Variants in MOSPD2 observed in about 807,000 individuals in gnomAD.
The protein encoded by MOSPD2 is motile sperm domain-containing protein 2.
In MOSPD2, 5 loss-of-function variants were observed where a neutral mutation model predicts 41.7. The observed-to-expected ratio is 0.12, with a 90% CI of 0.06 to 0.25. MOSPD2 has a LOEUF of 0.25. Ranked by LOEUF, MOSPD2 falls within the 10% of genes least tolerant of loss-of-function variation. The pLI is 1.00. For missense variants in MOSPD2, 282 were observed against 375.2 expected (o/e 0.75, Z 2.05); for synonymous variants, 115 against 126.9 (o/e 0.91, Z 0.63).
At chrX:14,906,762 C>A (rs1430181272) in intron 7 of MOSPD2, among the ~76,000 whole-genome samples, 1 of 111,959 alleles carries the variant, frequency 8.9e-6, no homozygotes, top group Non-Finnish European at 1.9e-5. Context: ...TGGTGACTCA[C>A]GCCTGTAATC....
At chrX:14,877,003 A>C (rs1040566575) in intron 2 of MOSPD2, among the ~76,000 whole-genome samples, 1 of 111,914 alleles carries the variant, frequency 8.9e-6, no homozygotes, top group Non-Finnish European at 1.9e-5. Context: ...GGCAGATTGA[A>C]TAGTCTGAAC....
At chrX:14,909,091 T>G in intron 8 of MOSPD2, 107 bp downstream of exon 8, 1 of 630,483 alleles carries the variant, frequency 1.6e-6, no homozygotes, top group East Asian at 4.5e-5. Context: ...TGCAAAGAAA[T>G]ATCACAGATA....
chrX:14,909,627 T>C (rs886847819), intron 8 of MOSPD2, among the ~76,000 whole-genome samples: 1 of 111,886 alleles, frequency 8.9e-6, no homozygotes, highest in African/African-American at 3.2e-5. Context: ...TGATTTTTAC[T>C]ACTTATAAAA....
chrX:14,912,169 G>T (rs1234712269), intron 9 of MOSPD2, 80 bp from the exon 10 acceptor site: 13 of 558,697 alleles, frequency 2.3e-5, no homozygotes, highest in East Asian at 7.8e-5. Context: ...CCTATGTTAT[G>T]TATAATAGTA....
rs2092604418 is a variant in MOSPD2 at position 14,918,718 on chromosome X, C to T, written c.1355C>T (p.Thr452Ile). 1 of 1,202,118 alleles carries T rather than the reference C, an allele frequency of 8.3e-7. No individual in the cohort carries two copies. The highest frequency in any genetic ancestry group is 2.2e-5 in the Admixed American group (1 of 45,579). Residue 452 changes from threonine to isoleucine, a missense_variant, in exon 14 of 15, where the codon ACT (threonine) becomes ATT (isoleucine). Coordinates refer to ENST00000380492, the MANE Select transcript of MOSPD2 (RefSeq NM_152581.4). ...CHTVESSKPN[T>I]LTLKDNAFNM... Reference sequence around the variant, plus strand: ...ACTGTTGAAAGCAGTAAACCAAACACTCTTACGTTAAAAGACAATGCTTTC... The same window carrying T: ...ACTGTTGAAAGCAGTAAACCAAACATTCTTACGTTAAAAGACAATGCTTTC...
intron 2 of MOSPD2, among the ~76,000 whole-genome samples, chrX:14,888,195 TACACACACACGCACACACACACACACAC>T (rs766388863): frequency 1.0e-4 from 9 of 88,748 alleles, no homozygotes; most frequent in Admixed American, 6.8e-4. Context: ...GGAGAATATA[TACACACACACGCACACACACACACACAC>T]ACACACACAC....
intron 13 of MOSPD2, 49 bp downstream of exon 13, chrX:14,916,375 AAG>A (rs1460570710): frequency 8.3e-7 from 1 of 1,201,397 alleles, no homozygotes; most frequent in Admixed American, 2.2e-5. Context: ...AAGAATCAGA[AAG>A]AGAAAAGTGC....
chrX:14,895,668 TTCTAA>T (rs1298079498), intron 4 of MOSPD2, among the ~76,000 whole-genome samples: 2 of 112,296 alleles, frequency 1.8e-5, no homozygotes, highest in Non-Finnish European at 3.8e-5. Context: ...ATTATCTTCT[TTCTAA>T]TCTGACTGTG....
intron 2 of MOSPD2, among the ~76,000 whole-genome samples, chrX:14,888,848 C>T (rs1330918989): frequency 9.0e-6 from 1 of 110,624 alleles, no homozygotes; most frequent in Non-Finnish European, 1.9e-5. Flanking sequence ...TCTTTAGCAT[C>T]TTTCTGTAAC....
intron 2 of MOSPD2, among the ~76,000 whole-genome samples, chrX:14,876,410 A>G (rs1316627377): frequency 8.9e-6 from 1 of 112,305 alleles, no homozygotes; most frequent in Non-Finnish European, 1.9e-5. Context: ...TCAAGCACAA[A>G]CTGTATTCCA....
At chrX:14,879,478 CT>C (rs1313138342) in intron 2 of MOSPD2, among the ~76,000 whole-genome samples, 1 of 112,053 alleles carries the variant, frequency 8.9e-6, no homozygotes, top group Non-Finnish European at 1.9e-5. Flanking sequence ...GTTCTGATGG[CT>C]GATAGACTGT....
rs781365188 is a variant in MOSPD2 at position 14,919,961 on chromosome X, T to A, written c.*152T>A. ...CGTGGAGGGGAACACATACATGTCT[T>A]GAAAATAAACTGCTAGAATAAAGAA... On this transcript the variant is annotated 3_prime_UTR_variant, in exon 15 of 15. Coordinates refer to ENST00000380492, the MANE Select transcript of MOSPD2 (RefSeq NM_152581.4). 2.9e-6 allele frequency: 3 copies of A among 1,022,616 alleles called. No homozygotes were observed. Among genetic ancestry groups the A allele is most frequent in the Admixed American group, 8.8e-5 (2 of 22,820 alleles). 84.3% of individuals were successfully genotyped at this position (1,022,616 alleles called of 1,213,427 possible). A position where few individuals can be genotyped will look rare whatever the true frequency, so the allele number is the denominator to read the frequency against.
Position 14,908,969 on chromosome X carries a change from C to T in MOSPD2, c.687C>T (p.Pro229=), listed in dbSNP as rs755931356. The T allele has an allele frequency of 1.2e-4, 136 of 1,154,733 alleles. 1 individual carries two copies. Among genetic ancestry groups the T allele is most frequent in the Non-Finnish European group, 1.5e-4 (126 of 859,233 alleles). ...ATGTCAGTGTAGAATACCTGCCTCCCCACATGGGTGGAACTGTAAGTATTT... is the reference window on the plus strand; with the variant it reads ...ATGTCAGTGTAGAATACCTGCCTCCTCACATGGGTGGAACTGTAAGTATTT... ...QDYVSVEYLP[P]HMGGTDPFKY... The change falls in exon 8 of 15, where the codon CCC becomes CCT. Residue 229 remains proline (P), a synonymous_variant. Coordinates refer to ENST00000380492, the MANE Select transcript of MOSPD2 (RefSeq NM_152581.4).
rs1275723913 is a variant in MOSPD2, at chrX:14,911,285, A to T, written c.751A>T (p.Thr251Ser). Reference sequence around the variant, plus strand: ...ACCACTAGTAGATGATGACTTCCAGACCCCACTGTGTGAGAATGGGCCTAT... The same window carrying T: ...ACCACTAGTAGATGATGACTTCCAGTCCCCACTGTGTGAGAATGGGCCTAT... The part of the protein sequence containing the change: ...YPPLVDDDFQ[T>S]PLCENGPITS... Residue 251 changes from threonine to serine, a missense_variant, in exon 9 of 15, where the codon ACC becomes TCC. Transcript: ENST00000380492. 1 of 1,203,622 alleles carries T rather than the reference A, an allele frequency of 8.3e-7. No homozygotes were observed. The highest frequency in any genetic ancestry group is 1.1e-6 in the Non-Finnish European group (1 of 891,288).
At chrX:14,880,227 A>G (rs1424039906) in intron 2 of MOSPD2, among the ~76,000 whole-genome samples, 1 of 110,400 alleles carries the variant, frequency 9.1e-6, no homozygotes, top group Non-Finnish European at 1.9e-5. Flanking sequence ...CTTTTGTTAT[A>G]TTTCTTCCCA....
intron 2 of MOSPD2, among the ~76,000 whole-genome samples, chrX:14,876,621 C>G (rs1357157646): frequency 8.9e-6 from 1 of 111,749 alleles, no homozygotes; most frequent in Non-Finnish European, 1.9e-5. Context: ...CTTTCTTCCT[C>G]TTTCTCATGC....
chrX:14,879,738 A>G (rs1164607360), intron 2 of MOSPD2, among the ~76,000 whole-genome samples: 2 of 110,960 alleles, frequency 1.8e-5, no homozygotes, highest in Non-Finnish European at 3.8e-5. Flanking sequence ...GTAATGCTGA[A>G]CTGTTTCCCA....
chrX:14,882,503 T>A (rs2092533238), intron 2 of MOSPD2, among the ~76,000 whole-genome samples: 1 of 111,864 alleles, frequency 8.9e-6, no homozygotes, highest in Admixed American at 9.5e-5. Flanking sequence ...ATTTTAAGTG[T>A]TCTCAGTACA....
Position 14,893,103 on chromosome X carries a change from G to A in MOSPD2, c.235+225G>A, listed in dbSNP as rs147188248. On this transcript the variant is annotated intron_variant, in intron 3 of 14. Coordinates refer to ENST00000380492, the MANE Select transcript of MOSPD2 (RefSeq NM_152581.4). ...TCACCAGAGAGCAGAATCACACTCA[G>A]ATTCTTCATTCACAGCAGAGTTTCC... The A allele has an allele frequency of 3.2e-3, 889 of 277,282 alleles. 14 individuals are homozygous for A. Among genetic ancestry groups the A allele is most frequent in the African/African-American group, 0.022 (818 of 36,920 alleles). 22.9% of individuals were successfully genotyped at this position (277,282 alleles called of 1,213,427 possible).
Sources: allele counts gnomAD v4.1 joint callset (sites outside exome capture counted in the v4.1 genomes callset), GRCh38; gene constraint gnomAD v4.1.1; transcripts MANE v1.5; gene names NCBI Gene and HGNC (gene_info 2026-07-23, HGNC 2026-07-21).